Variants in OR5P3 observed in about 807,000 individuals in gnomAD.
OR5P3 encodes olfactory receptor 5P3.
For synonymous variants in OR5P3, 172 were observed against 141.8 expected (o/e 1.21, Z -1.51); for missense variants, 415 against 375.6 (o/e 1.10, Z -0.87).
At position 7,825,821 on chromosome 11, in the gene OR5P3, C is replaced by T; in HGVS notation, c.152G>A (p.Arg51Lys). Residue 51 changes from arginine (R) to lysine (K), a missense_variant, in exon 2 of 2, where the codon AGA (arginine) becomes AAA (lysine). By Grantham distance (26) the Arg-to-Lys change is conservative. Transcript: ENST00000641167. The part of the protein sequence containing the change: ...GNISIIVLIR[R>K]SHHLHTPMYI... Reference sequence around the variant, plus strand: ...CATGGGTGTATGAAGATGATGACTTCTTCTGATCAATACAATTATGCTGAT... The same window carrying T: ...CATGGGTGTATGAAGATGATGACTTTTTCTGATCAATACAATTATGCTGAT... 6.2e-7 allele frequency: 1 copy of T among 1,613,126 alleles called. No individual in the cohort carries two copies. Among genetic ancestry groups the T allele is most frequent in the Non-Finnish European group, 8.5e-7 (1 of 1,179,988 alleles).
chr11:7,825,428 G>A lies in OR5P3; in HGVS notation c.545C>T (p.Ser182Leu), dbSNP rs1306763307. 6.2e-7 allele frequency: 1 copy of A among 1,613,228 alleles called. No individual in the cohort carries two copies. ...GGAACAAGCAAGCTTCAAAAGTGGTGAATAGTCACAGAAAAAGTGATTGAC... is the reference window on the plus strand; with the variant it reads ...GGAACAAGCAAGCTTCAAAAGTGGTAAATAGTCACAGAAAAAGTGATTGAC... Reference protein sequence around the residue: ...NKVNHFFCDYSPLLKLACSHD... With the variant: ...NKVNHFFCDYLPLLKLACSHD... Residue 182 changes from serine (S) to leucine (L), a missense_variant, in exon 2 of 2, where the codon TCA becomes TTA. Ser to Leu is a moderately radical substitution (Grantham distance 145). Transcript: ENST00000641167.
chr11:7,827,483 T>C (rs543213414), intron 1 of OR5P3, among the ~76,000 whole-genome samples: 1 of 152,240 alleles, frequency 6.6e-6, no homozygotes, highest in South Asian at 2.1e-4. Flanking sequence ...AGATTTTCTT[T>C]TTTCTGAGCA....
intron 1 of OR5P3, among the ~76,000 whole-genome samples, chr11:7,830,136 C>A (rs985572278): frequency 1.3e-5 from 2 of 152,138 alleles, no homozygotes; most frequent in Non-Finnish European, 2.9e-5. Context: ...TGCTCTCAAG[C>A]AGACTGAACG....
chr11:7,826,329 C>T (rs1013294723), intron 1 of OR5P3, among the ~76,000 whole-genome samples: 1 of 151,798 alleles, frequency 6.6e-6, no homozygotes, highest in Admixed American at 6.6e-5. Flanking sequence ...AGGCCAAAGA[C>T]GTGATTGAAG....
chr11:7,825,336 C>T lies in OR5P3; in HGVS notation c.637G>A (p.Val213Ile). The change falls in exon 2 of 2, where the codon GTC becomes ATC. Residue 213 changes from valine to isoleucine, a missense_variant. Coordinates refer to ENST00000641167, the MANE Select transcript of OR5P3 (RefSeq NM_153445.2). ...SGSIIVATVC[V>I]IAISYIYILI... ...ATATAGATGTAGGATATGGCTATGA[C>T]ACACACAGTGGCCACAATGATAGAT... is the stretch of plus-strand genomic sequence containing the variant. 3 of 1,613,174 alleles carry T rather than the reference C, an allele frequency of 1.9e-6. No homozygotes were observed. The highest frequency in any genetic ancestry group is 2.2e-5 in the East Asian group (1 of 44,880).
chr11:7,830,249 A>C (rs954050475), intron 1 of OR5P3, among the ~76,000 whole-genome samples: 5 of 152,146 alleles, frequency 3.3e-5, no homozygotes, highest in African/African-American at 1.2e-4. Context: ...ATCCAGCCAC[A>C]TTATTTTCAC....
Position 7,825,942 on chromosome 11 carries a change from C to G in OR5P3, c.31G>C (p.Glu11Gln). Residue 11 changes from glutamate (E) to glutamine (Q), a missense_variant, in exon 2 of 2, where the codon GAG becomes CAG. Transcript: ENST00000641167. Reference protein sequence around the residue: MGTGNDTTVVEFTLLGLSEDT... With the variant: MGTGNDTTVVQFTLLGLSEDT... ...TCAGATAACCCCAAAAGAGTAAACT[C>G]TACCACAGTGGTGTCATTTCCAGTC... 2.5e-6 allele frequency: 4 copies of G among 1,580,014 alleles called. No homozygotes were observed. The highest frequency in any genetic ancestry group is 3.4e-6 in the Non-Finnish European group (4 of 1,161,038).
intron 1 of OR5P3, among the ~76,000 whole-genome samples, chr11:7,828,798 T>C (rs1482795): frequency 0.75 from 114,804 of 152,088 alleles, 46,694 homozygotes; most frequent in Non-Finnish European, 0.9. Context: ...TCATGGTTAC[T>C]TTTATGGAGT....
rs750644906 is a variant in OR5P3 at position 7,825,576 on chromosome 11, A to T, written c.397T>A (p.Ser133Thr). 2 of 1,613,214 alleles carry T rather than the reference A, an allele frequency of 1.2e-6. No homozygotes were observed. Among genetic ancestry groups the T allele is most frequent in the Admixed American group, 1.7e-5 (1 of 59,992 alleles). The change falls in exon 2 of 2, where the codon TCT (serine) becomes ACT (threonine). Residue 133 changes from serine (S) to threonine (T), a missense_variant. Physicochemically the swap from Ser to Thr is moderately conservative, Grantham distance 58. Coordinates refer to ENST00000641167, the MANE Select transcript of OR5P3 (RefSeq NM_153445.2). ...YVAICSPLLYSTCMSPGVCII... is the reference protein window; with the variant it reads ...YVAICSPLLYTTCMSPGVCII... ...CAGACTCCAGGGGACATGCAGGTAG[A>T]GTAGAGCAGGGGTGAGCAGATGGCC...
Position 7,825,912 on chromosome 11 carries a change from T to C in OR5P3, c.61A>G (p.Thr21Ala). 2 of 1,604,406 alleles carry C rather than the reference T, an allele frequency of 1.2e-6. No individual in the cohort carries two copies. Among genetic ancestry groups the C allele is most frequent in the South Asian group, 1.1e-5 (1 of 90,682 alleles). The change falls in exon 2 of 2, where the codon ACT becomes GCT. Residue 21 changes from threonine to alanine, a missense_variant. By Grantham distance (58) the Thr-to-Ala change is moderately conservative. Coordinates refer to ENST00000641167, the MANE Select transcript of OR5P3 (RefSeq NM_153445.2). Reference protein sequence around the residue: ...EFTLLGLSEDTTVCAILFLVF... With the variant: ...EFTLLGLSEDATVCAILFLVF... ...AGAAATAAAATAGCACAAACTGTAG[T>C]ATCCTCAGATAACCCCAAAAGAGTA...
At chr11:7,826,640 C>G (rs780854270) in intron 1 of OR5P3, among the ~76,000 whole-genome samples, 15 of 152,148 alleles carry the variant, frequency 9.9e-5, no homozygotes, top group Non-Finnish European at 1.8e-4. Context: ...AACAAGTAAA[C>G]AGAGGAAGAC....
At position 7,825,979 on chromosome 11, in the gene OR5P3, T is replaced by A. The variant is rs1435927444; in HGVS notation, c.-7A>T. On this transcript the variant is annotated 5_prime_UTR_variant, in exon 2 of 2. Transcript: ENST00000641167. ...TGTCATTTCCAGTCCCCATCTATAT[T>A]GGGAATGGTGCCAACTGAAAGAAAA... The A allele has an allele frequency of 2.2e-6, 3 of 1,389,580 alleles. No individual in the cohort carries two copies. The highest frequency in any genetic ancestry group is 1.4e-5 in the African/African-American group (1 of 69,262). The allele number at this position is 1,389,580 out of a possible 1,614,324, so 86.1% of individuals were successfully genotyped here. A position where few individuals can be genotyped will look rare whatever the true frequency, so the allele number is the denominator to read the frequency against.
At chr11:7,829,601 A>G (rs1857785486) in intron 1 of OR5P3, among the ~76,000 whole-genome samples, 1 of 152,180 alleles carries the variant, frequency 6.6e-6, no homozygotes, top group African/African-American at 2.4e-5. Context: ...TCTAGGATTC[A>G]GCATAGTAAA....
At chr11:7,829,050 G>A (rs1472046042) in intron 1 of OR5P3, among the ~76,000 whole-genome samples, 1 of 152,054 alleles carries the variant, frequency 6.6e-6, no homozygotes, top group Non-Finnish European at 1.5e-5. Flanking sequence ...AAAATAAAAT[G>A]TATGCTTCAT....
intron 1 of OR5P3, among the ~76,000 whole-genome samples, chr11:7,827,082 C>A (rs1440525353): frequency 6.6e-6 from 1 of 152,170 alleles, no homozygotes; most frequent in African/African-American, 2.4e-5. Context: ...CATTGTCCAA[C>A]ATAACTTTAG....
intron 1 of OR5P3, among the ~76,000 whole-genome samples, chr11:7,829,745 G>A (rs1478515128): frequency 2.0e-5 from 3 of 152,078 alleles, no homozygotes; most frequent in Non-Finnish European, 4.4e-5. Context: ...TCCAATTGAT[G>A]CCTCTATTAG....
rs1343949399 is a variant in OR5P3 at position 7,825,624 on chromosome 11, C to A, written c.349G>T (p.Ala117Ser). 1.2e-6 allele frequency: 2 copies of A among 1,613,082 alleles called. No individual in the cohort carries two copies. The highest frequency in any genetic ancestry group is 1.7e-5 in the Admixed American group (1 of 59,982). Residue 117 changes from alanine to serine, a missense_variant, in exon 2 of 2, where the codon GCC becomes TCC. Ala to Ser is a moderately conservative substitution (Grantham distance 99). Coordinates refer to ENST00000641167, the MANE Select transcript of OR5P3 (RefSeq NM_153445.2). ...GCCACATAGCGATCATAGGCCATGGCAGCCAGCAGGAAGCACTCGGCCGTA... is the reference window on the plus strand; with the variant it reads ...GCCACATAGCGATCATAGGCCATGGAAGCCAGCAGGAAGCACTCGGCCGTA... ...FGTAECFLLA[A>S]MAYDRYVAIC...
At position 7,825,870 on chromosome 11, in the gene OR5P3, A is replaced by G; in HGVS notation, c.103T>C (p.Tyr35His). ...AILFLVFLGI[Y>H]VVTLMGNISI... Reference sequence around the variant, plus strand: ...ATATTACCCATTAAGGTGACAACATAAATTCCTAGAAACACAAGAAATAAA... The same window carrying G: ...ATATTACCCATTAAGGTGACAACATGAATTCCTAGAAACACAAGAAATAAA... Residue 35 changes from tyrosine to histidine, a missense_variant, in exon 2 of 2, where the codon TAT (tyrosine) becomes CAT (histidine). Transcript: ENST00000641167. 1 of 1,610,742 alleles carries G rather than the reference A, an allele frequency of 6.2e-7. No homozygotes were observed. Among genetic ancestry groups the G allele is most frequent in the Non-Finnish European group, 8.5e-7 (1 of 1,178,044 alleles).
intron 1 of OR5P3, among the ~76,000 whole-genome samples, chr11:7,827,388 T>C (rs1857756472): frequency 6.6e-6 from 1 of 152,188 alleles, no homozygotes; most frequent in Non-Finnish European, 1.5e-5. Context: ...TCTCCTTCAG[T>C]GCCCAGCACC....
Sources: allele counts gnomAD v4.1 joint callset (sites outside exome capture counted in the v4.1 genomes callset), GRCh38; gene constraint gnomAD v4.1.1; transcripts MANE v1.5; gene names NCBI Gene and HGNC (gene_info 2026-07-23, HGNC 2026-07-21).